The following RNF38 variants were observed in gnomAD, a reference collection of about 807,000 sequenced individuals.
The protein encoded by RNF38 is ring finger protein 38, also known as E3 ubiquitin-protein ligase RNF38.
RNF38 carries 15 observed loss-of-function variants against 67.2 expected under a neutral mutation model. The observed-to-expected ratio is 0.22, with a 90% CI of 0.15 to 0.34. RNF38 has a LOEUF of 0.34. RNF38 is among the 10% of genes least tolerant of loss of function. The pLI is 1.00. For missense variants in RNF38, 524 were observed against 639.9 expected, an observed-to-expected ratio of 0.82 and a Z score of 1.95; for synonymous variants, 220 against 218.8, an observed-to-expected ratio of 1.01 and a Z score of -0.05.
At chr9:36,432,283 T>G (rs1392535726) in intron 1 of RNF38, among the ~76,000 whole-genome samples, 2 of 152,010 alleles carry the variant, frequency 1.3e-5, no homozygotes, top group African/African-American at 4.8e-5. Context: ...TACAGGGGTG[T>G]GCCATTATGC....
At chr9:36,451,229 C>T (rs533824907) in intron 1 of RNF38, among the ~76,000 whole-genome samples, 6 of 151,610 alleles carry the variant, frequency 4.0e-5, no homozygotes, top group East Asian at 2.0e-4. Flanking sequence ...TTTGGGAGGC[C>T]GAGGCAGGAG....
At chr9:36,385,431 T>C (rs1257854820) in intron 2 of RNF38, among the ~76,000 whole-genome samples, 2 of 149,454 alleles carry the variant, frequency 1.3e-5, no homozygotes, top group Admixed American at 6.8e-5. Context: ...CAGGCTGGAG[T>C]GCAATGGCGC....
intron 1 of RNF38, among the ~76,000 whole-genome samples, chr9:36,486,995 T>C (rs1216304672): frequency 2.0e-5 from 3 of 151,944 alleles, no homozygotes; most frequent in African/African-American, 4.8e-5. Context: ...ACGGCTCTCA[T>C]TGGCTATGTG....
chr9:36,337,755 G>A lies in RNF38; in HGVS notation c.*1997C>T, dbSNP rs549446419. 2 of 152,642 alleles carry A rather than the reference G, an allele frequency of 1.3e-5. No homozygotes were observed. Among genetic ancestry groups the A allele is most frequent in the South Asian group, 4.1e-4 (2 of 4,826 alleles). The allele number at this position is 152,642 out of a possible 1,614,324, so 9.5% of individuals were successfully genotyped here. A position where few individuals can be genotyped will look rare whatever the true frequency, so the allele number is the denominator to read the frequency against. ...CACTTTTTATTCATCAGGAACAGGT[G>A]AGGGATATCCTAATGATTTAAAAGT... On this transcript the variant is annotated 3_prime_UTR_variant, in exon 12 of 12. Coordinates refer to ENST00000259605, the MANE Select transcript of RNF38 (RefSeq NM_022781.5).
At chr9:36,464,608 G>A (rs745975992) in intron 1 of RNF38, among the ~76,000 whole-genome samples, 2 of 151,636 alleles carry the variant, frequency 1.3e-5, no homozygotes. Context: ...CAGATTATCA[G>A]TCATATATAT....
intron 1 of RNF38, among the ~76,000 whole-genome samples, chr9:36,456,346 A>C (rs1045231156): frequency 1.3e-5 from 2 of 152,168 alleles, no homozygotes; most frequent in Admixed American, 6.6e-5. Flanking sequence ...CGTGAGCCAC[A>C]GTAGCTGGTC....
intron 1 of RNF38, among the ~76,000 whole-genome samples, chr9:36,462,980 CTTTTT>C (rs112977096): frequency 6.9e-6 from 1 of 145,306 alleles, no homozygotes; most frequent in Non-Finnish European, 1.5e-5. Context: ...CCCTGATTTA[CTTTTT>C]TTTTTTTTAA....
chr9:36,371,288 G>A (rs955952113), intron 3 of RNF38, among the ~76,000 whole-genome samples: 5 of 152,012 alleles, frequency 3.3e-5, no homozygotes, highest in Non-Finnish European at 5.9e-5. Flanking sequence ...AGATCAACTC[G>A]CAAAGGTGCT....
chr9:36,399,890 C>A (rs958910852), intron 1 of RNF38, among the ~76,000 whole-genome samples: 1 of 152,130 alleles, frequency 6.6e-6, no homozygotes, highest in Non-Finnish European at 1.5e-5. Flanking sequence ...AGACTTGCAA[C>A]TCTAAGGTAA....
In RNF38 at chr9:36,360,244, T is replaced by A. The variant is rs570474956; in HGVS notation, c.571-2302A>T. Among the ~76,000 whole-genome samples, 17 of 152,358 alleles carry A rather than the reference T, an allele frequency of 1.1e-4. No homozygotes were observed. In the East Asian group the frequency reaches 1.5e-3, roughly 14 times the overall value. ...TGTTCCTCAAACTGTGGTTCTGTTA[T>A]AATGACAAGAGGTTATTTTACTCTA... On this transcript the variant is annotated intron_variant, in intron 4 of 11. Transcript: ENST00000259605.
chr9:36,419,854 T>C (rs1028203028), intron 2 of RNF38, among the ~76,000 whole-genome samples: 4 of 152,016 alleles, frequency 2.6e-5, no homozygotes, highest in Non-Finnish European at 5.9e-5. Context: ...CACAGAATTC[T>C]GAACCTGACA....
At chr9:36,450,227 G>A (rs751746131) in intron 1 of RNF38, among the ~76,000 whole-genome samples, 1 of 151,952 alleles carries the variant, frequency 6.6e-6, no homozygotes, top group Non-Finnish European at 1.5e-5. Context: ...CAAAAACCCT[G>A]TACCCAGTAA....
intron 6 of RNF38, among the ~76,000 whole-genome samples, chr9:36,356,012 A>C (rs1360528120): frequency 6.6e-6 from 1 of 152,110 alleles, no homozygotes; most frequent in East Asian, 1.9e-4. Context: ...ATGCCCGGCT[A>C]ATTTTTGTAC....
chr9:36,467,754 T>C (rs541071438), intron 1 of RNF38, among the ~76,000 whole-genome samples: 28 of 152,340 alleles, frequency 1.8e-4, no homozygotes, highest in African/African-American at 6.3e-4. Flanking sequence ...AAATGGTACC[T>C]GTTACCACCT....
At chr9:36,343,997 C>T (rs1265599167) in intron 10 of RNF38, among the ~76,000 whole-genome samples, 1 of 152,070 alleles carries the variant, frequency 6.6e-6, no homozygotes, top group South Asian at 2.1e-4. Context: ...TACAAAAAAC[C>T]ACTGAATTGT....
At chr9:36,429,419 GCATAAAAC>G (rs1210724735) in intron 1 of RNF38, among the ~76,000 whole-genome samples, 1 of 152,162 alleles carries the variant, frequency 6.6e-6, no homozygotes, top group Admixed American at 6.6e-5. Flanking sequence ...CTTAGTATTT[GCATAAAAC>G]CTATGTAAAT....
At chr9:36,401,295 C>T (rs62541848), upstream of RNF38, 151,105 of 837,754 alleles carry the variant, frequency 0.18, 13,758 homozygotes, top group Non-Finnish European at 0.2. Flanking sequence ...ACTGCGCAGC[C>T]CCGCCCCAGC....
At chr9:36,392,588 T>G (rs933769532) in intron 1 of RNF38, among the ~76,000 whole-genome samples, 2 of 151,830 alleles carry the variant, frequency 1.3e-5, no homozygotes, top group Admixed American at 1.3e-4. Context: ...AAAAAATAAG[T>G]AAATAAATAA....
At chr9:36,414,474 T>G (rs550486172) in intron 2 of RNF38, among the ~76,000 whole-genome samples, 2 of 151,900 alleles carry the variant, frequency 1.3e-5, no homozygotes, top group Non-Finnish European at 2.9e-5. Context: ...CACCTGAGGT[T>G]GGGAGTTCGA....
Sources: allele counts gnomAD v4.1 joint callset (sites outside exome capture counted in the v4.1 genomes callset), GRCh38; gene constraint gnomAD v4.1.1; transcripts MANE v1.5; gene names NCBI Gene and HGNC (gene_info 2026-07-23, HGNC 2026-07-21).